The following RNF6 variants were observed in gnomAD, a reference collection of about 807,000 sequenced individuals.
RNF6 encodes the protein ring finger protein 6.
RNF6 carries 21 observed loss-of-function variants against 50.1 expected under a neutral mutation model. The observed-to-expected ratio is 0.42, with a 90% CI of 0.30 to 0.60. The LOEUF (loss-of-function observed/expected upper bound fraction) is 0.60, where lower values mean the gene tolerates loss of function less well. RNF6 is among the 20% of genes least tolerant of loss of function. The pLI, the probability that RNF6 is intolerant of heterozygous loss-of-function variation, is 0.20. For synonymous variants in RNF6, 255 were observed against 291.8 expected (o/e 0.87, Z 1.29); for missense variants, 698 against 838.2 (o/e 0.83, Z 2.07).
chr13:26,174,910 C>T (rs139814011), intron 5 of RNF6, among the ~76,000 whole-genome samples: 305 of 152,278 alleles, frequency 2.0e-3, no homozygotes, highest in Non-Finnish European at 3.8e-3. Context: ...TTGGGGCCCA[C>T]TCTAACGGCC....
At chr13:26,217,387 A>C (rs1265156284) in intron 4 of RNF6, among the ~76,000 whole-genome samples, 2 of 152,218 alleles carry the variant, frequency 1.3e-5, no homozygotes, top group Admixed American at 6.5e-5. Flanking sequence ...CCAAGTACCT[A>C]CTCAAAGCTA....
chr13:26,142,048 C>T (rs540010894), intron 5 of RNF6, among the ~76,000 whole-genome samples: 7 of 151,896 alleles, frequency 4.6e-5, no homozygotes, highest in African/African-American at 9.7e-5. Flanking sequence ...CCCAAATAAC[C>T]CCATTAAAAC....
intron 5 of RNF6, among the ~76,000 whole-genome samples, chr13:26,197,542 A>C (rs1462078852): frequency 1.3e-5 from 2 of 151,456 alleles, no homozygotes; most frequent in Non-Finnish European, 2.9e-5. Flanking sequence ...CATTTTTTGA[A>C]ATTTTGTCAC....
At chr13:26,152,612 T>C (rs1385204760) in intron 5 of RNF6, among the ~76,000 whole-genome samples, 1 of 152,244 alleles carries the variant, frequency 6.6e-6, no homozygotes, top group Non-Finnish European at 1.5e-5. Flanking sequence ...CTATGTGTCC[T>C]CTACACGTGT....
chr13:26,133,594 C>T (rs1870500074), intron 5 of RNF6, among the ~76,000 whole-genome samples: 1 of 152,146 alleles, frequency 6.6e-6, no homozygotes. Flanking sequence ...TCTGTCCCTT[C>T]CTGTTTGCTG....
upstream of RNF6, among the ~76,000 whole-genome samples, chr13:26,223,059 T>G (rs1453792313): frequency 1.3e-5 from 2 of 152,230 alleles, no homozygotes; most frequent in Admixed American, 1.3e-4. Context: ...TCTAACCTGG[T>G]ATAGTCCCCT....
chr13:26,165,101 T>A (rs889412686), intron 5 of RNF6, among the ~76,000 whole-genome samples: 2 of 152,166 alleles, frequency 1.3e-5, no homozygotes, highest in Admixed American at 1.3e-4. Context: ...CCATGGTTCC[T>A]ATGCTGTGTG....
At chr13:26,137,565 A>C (rs1204413235) in intron 5 of RNF6, among the ~76,000 whole-genome samples, 3 of 151,970 alleles carry the variant, frequency 2.0e-5, no homozygotes, top group African/African-American at 7.2e-5. Flanking sequence ...GAGTATCTTC[A>C]AAGAGCTAGA....
intron 5 of RNF6, among the ~76,000 whole-genome samples, chr13:26,151,447 G>A (rs1412396421): frequency 6.6e-6 from 1 of 152,026 alleles, no homozygotes; most frequent in Non-Finnish European, 1.5e-5. Context: ...ATTTTCAGTA[G>A]AGACAGGGTT....
chr13:26,221,779 A>T lies in RNF6; in HGVS notation c.-102+224T>A, dbSNP rs1216786609. The T allele has an allele frequency of 2.0e-5, 3 of 152,186 alleles. 1 individual carries two copies. Among genetic ancestry groups the T allele is most frequent in the African/African-American group, 4.8e-5 (2 of 41,438 alleles). The allele number at this position is 152,186 out of a possible 1,614,324, so 9.4% of individuals were successfully genotyped here. On this transcript the variant is annotated intron_variant, in intron 1 of 4. Transcript: ENST00000381588. Reference sequence around the variant, plus strand: ...TAAAGTGGGCTCAAGAGGCCCAACCAACCTCTTCCCAACCGAGCCTCAAGT... The same window carrying T: ...TAAAGTGGGCTCAAGAGGCCCAACCTACCTCTTCCCAACCGAGCCTCAAGT...
chr13:26,162,630 A>G (rs143956505), intron 5 of RNF6, among the ~76,000 whole-genome samples: 1 of 152,218 alleles, frequency 6.6e-6, no homozygotes, highest in East Asian at 1.9e-4. Context: ...ACTATTTCCT[A>G]TGAGTAAATC....
intron 5 of RNF6, chr13:26,144,909 CA>C (rs1303659395): frequency 6.6e-6 from 1 of 152,212 alleles, no homozygotes; most frequent in Non-Finnish European, 1.5e-5. Context: ...TGCTATTGTG[CA>C]TGCCCAATTT....
At chr13:26,158,787 T>C (rs1328231358) in intron 5 of RNF6, among the ~76,000 whole-genome samples, 3 of 152,284 alleles carry the variant, frequency 2.0e-5, no homozygotes, top group East Asian at 3.9e-4. Flanking sequence ...TACAGTAGAA[T>C]TTTAGGCAAT....
chr13:26,145,928 A>T (rs1036664635), intron 5 of RNF6, among the ~76,000 whole-genome samples: 1 of 152,318 alleles, frequency 6.6e-6, no homozygotes, highest in Non-Finnish European at 1.5e-5. Context: ...GAACTGGGGA[A>T]ATAACCACAG....
rs139608117 is a variant in RNF6 at position 26,138,470 on chromosome 13, T to TA, written n.769-6020_769-6019insT. 8.5e-3 allele frequency among the ~76,000 whole-genome samples: 1,294 copies of TA among 152,184 alleles called. 21 individuals are homozygous for TA. Among genetic ancestry groups the TA allele is most frequent in the African/African-American group, 0.029 (1,223 of 41,504 alleles). On this transcript the variant is annotated intron_variant and non_coding_transcript_variant, in intron 5 of 5. Transcript: ENST00000468480. ...TAAATGGAAAAGACAGTTATATATATTTTTTTCTTTGTAACTCCTTGTTTT... is the reference window on the plus strand; with the variant it reads ...TAAATGGAAAAGACAGTTATATATATATTTTTTCTTTGTAACTCCTTGTTTT...
chr13:26,132,559 A>T, intron 5 of RNF6: 2 of 392,922 alleles, frequency 5.1e-6, no homozygotes, highest in Non-Finnish European at 1.0e-5. Flanking sequence ...GTATCTAAAA[A>T]TGTATTGCAC....
chr13:26,194,001 AAAT>A (rs1868562404), intron 5 of RNF6, among the ~76,000 whole-genome samples: 1 of 152,238 alleles, frequency 6.6e-6, no homozygotes, highest in Non-Finnish European at 1.5e-5. Context: ...ATGGAATTTT[AAAT>A]AATAAGATAT....
chr13:26,176,857 C>T (rs2137647974), intron 5 of RNF6, among the ~76,000 whole-genome samples: 1 of 152,260 alleles, frequency 6.6e-6, no homozygotes, highest in South Asian at 2.1e-4. Context: ...TCACTTGAAC[C>T]CAGGAGGCAG....
chr13:26,141,995 T>C (rs1870978834), intron 5 of RNF6, among the ~76,000 whole-genome samples: 1 of 152,116 alleles, frequency 6.6e-6, no homozygotes. Flanking sequence ...AGGACCAATA[T>C]CCAGAATCTA....
Sources: gnomAD v4.1 joint callset for allele counts (sites outside exome capture counted in the v4.1 genomes callset) on GRCh38, gnomAD v4.1.1 for gene constraint, MANE v1.5 for transcripts, NCBI Gene and HGNC (gene_info 2026-07-23, HGNC 2026-07-21) for gene names.